The following RNF169 variants were observed in gnomAD, a reference collection of about 807,000 sequenced individuals.
RNF169 encodes the protein E3 ubiquitin-protein ligase RNF169.
A neutral mutation model predicts 53.9 loss-of-function variants in RNF169; 24 were observed. That is an observed-to-expected ratio of 0.45 (90% CI 0.32 to 0.63). RNF169 has a LOEUF of 0.63. Ranked by LOEUF, RNF169 falls within the 20% of genes least tolerant of loss-of-function variation. The pLI, the probability that RNF169 is intolerant of heterozygous loss-of-function variation, is 0.04. For missense variants in RNF169, 883 were observed against 906.2 expected, an observed-to-expected ratio of 0.97 and a Z score of 0.33; for synonymous variants, 396 against 363.5, an observed-to-expected ratio of 1.09 and a Z score of -1.02.
chr11:74,752,690 A>G (rs1399702980), intron 1 of RNF169, among the ~76,000 whole-genome samples: 1 of 151,790 alleles, frequency 6.6e-6, no homozygotes, highest in Non-Finnish European at 1.5e-5. Flanking sequence ...CCATTTTTAT[A>G]CAAAAGGTTG....
At chr11:74,810,353 G>T in intron 3 of RNF169, 23 bp downstream of exon 3, 1 of 1,610,642 alleles carries the variant, frequency 6.2e-7, no homozygotes, top group South Asian at 1.1e-5. Context: ...CCTTTTTAAT[G>T]GATACCTGCC....
intron 1 of RNF169, among the ~76,000 whole-genome samples, chr11:74,754,744 C>T (rs1591383814): frequency 2.0e-5 from 3 of 152,230 alleles, no homozygotes; most frequent in South Asian, 4.2e-4. Context: ...CGCTTCAACC[C>T]GGGAGGTAGA....
intron 1 of RNF169, among the ~76,000 whole-genome samples, chr11:74,761,611 C>G (rs1465841581): frequency 1.3e-5 from 2 of 152,258 alleles, no homozygotes; most frequent in African/African-American, 4.8e-5. Flanking sequence ...GTTGAAAATT[C>G]TTTCCTTTAA....
chr11:74,757,539 T>C (rs1454879685), intron 1 of RNF169, among the ~76,000 whole-genome samples: 1 of 132,822 alleles, frequency 7.5e-6, no homozygotes, highest in Non-Finnish European at 1.6e-5. Flanking sequence ...GGTCAAATGG[T>C]ATTTCTAGTT....
intron 1 of RNF169, among the ~76,000 whole-genome samples, chr11:74,758,587 C>T (rs1313875945): frequency 1.3e-4 from 19 of 151,742 alleles, no homozygotes; most frequent in East Asian, 3.9e-4. Context: ...CTGCAAGCTC[C>T]GCCTCCCGGT....
At chr11:74,769,711 C>T (rs1001730285) in intron 1 of RNF169, among the ~76,000 whole-genome samples, 2 of 152,130 alleles carry the variant, frequency 1.3e-5, no homozygotes, top group Non-Finnish European at 2.9e-5. Flanking sequence ...CCTTTGATGC[C>T]ATTTATATAA....
intron 1 of RNF169, among the ~76,000 whole-genome samples, chr11:74,756,885 G>A (rs2034992132): frequency 6.6e-6 from 1 of 152,130 alleles, no homozygotes; most frequent in South Asian, 2.1e-4. Context: ...TCACTCCCAT[G>A]GGAGTGTTGT....
rs575729151 is a variant in RNF169, at chr11:74,841,884, T to C, written c.*5154T>C. 5.9e-5 allele frequency: 9 copies of C among 152,416 alleles called. No individual in the cohort carries two copies. In the South Asian group the frequency reaches 6.2e-4, roughly 11 times the overall value. 9.4% of individuals were successfully genotyped at this position (152,416 alleles called of 1,614,324 possible). On this transcript the variant is annotated 3_prime_UTR_variant, in exon 6 of 6. Transcript: ENST00000299563. ...CAAAGCTGTGCCACCAATGAGAGCA[T>C]TGGGTTCAAGTTTGCATCAAACATG...
At chr11:74,820,757 A>G (rs1408483037) in intron 4 of RNF169, among the ~76,000 whole-genome samples, 1 of 152,234 alleles carries the variant, frequency 6.6e-6, no homozygotes, top group Non-Finnish European at 1.5e-5. Context: ...GAGCTTAAGG[A>G]GAATGGTGGT....
rs1427160550 is a variant in RNF169 at position 74,839,895 on chromosome 11, T to C, written c.*3165T>C. 3 of 152,208 alleles carry C rather than the reference T, an allele frequency of 2.0e-5. No individual in the cohort carries two copies. The highest frequency in any genetic ancestry group is 4.4e-5 in the Non-Finnish European group (3 of 68,024). 9.4% of individuals were successfully genotyped at this position (152,208 alleles called of 1,614,324 possible). ...TCTTTTTAAAAAAGGTTAAGTCTTCTTGGGTGAGGCTTGCCAGGGAAACTC... is the reference window on the plus strand; with the variant it reads ...TCTTTTTAAAAAAGGTTAAGTCTTCCTGGGTGAGGCTTGCCAGGGAAACTC... On this transcript the variant is annotated 3_prime_UTR_variant, in exon 6 of 6. Transcript: ENST00000299563.
At chr11:74,784,804 C>T (rs939472587) in intron 1 of RNF169, among the ~76,000 whole-genome samples, 4 of 152,102 alleles carry the variant, frequency 2.6e-5, no homozygotes, top group Admixed American at 2.0e-4. Flanking sequence ...AGGCACCAGC[C>T]AAGGGCAAGC....
intron 1 of RNF169, among the ~76,000 whole-genome samples, chr11:74,784,105 A>G (rs1200318279): frequency 1.3e-5 from 2 of 152,170 alleles, no homozygotes; most frequent in Non-Finnish European, 2.9e-5. Flanking sequence ...TGTTATACAT[A>G]CTCTTAATAT....
At chr11:74,756,385 A>G (rs1241452647) in intron 1 of RNF169, among the ~76,000 whole-genome samples, 1 of 152,236 alleles carries the variant, frequency 6.6e-6, no homozygotes, top group Non-Finnish European at 1.5e-5. Flanking sequence ...TTTGCTATTT[A>G]TAGCTGTATG....
At chr11:74,749,753 C>T (rs942853816) in intron 1 of RNF169, among the ~76,000 whole-genome samples, 6 of 152,082 alleles carry the variant, frequency 3.9e-5, no homozygotes, top group Middle Eastern at 3.4e-3. Context: ...GGTCATATTG[C>T]TTGGAGAGAT....
chr11:74,797,042 T>G (rs1728060265), intron 2 of RNF169, among the ~76,000 whole-genome samples: 1 of 152,140 alleles, frequency 6.6e-6, no homozygotes, highest in South Asian at 2.1e-4. Context: ...CAAGGGGTAT[T>G]TTCTCCCCAT....
chr11:74,795,098 G>A (rs898312852), intron 2 of RNF169, among the ~76,000 whole-genome samples: 1 of 151,906 alleles, frequency 6.6e-6, no homozygotes, highest in Admixed American at 6.6e-5. Context: ...GAGCCACCAC[G>A]CTTGGCCGGA....
At chr11:74,788,860 T>C (rs1591406383) in intron 1 of RNF169, among the ~76,000 whole-genome samples, 1 of 152,320 alleles carries the variant, frequency 6.6e-6, no homozygotes, top group East Asian at 1.9e-4. Context: ...AGGAAGACTT[T>C]ATTCAAGGAG....
chr11:74,830,498 T>C (rs535128299), intron 4 of RNF169: 2 of 151,876 alleles, frequency 1.3e-5, no homozygotes, highest in South Asian at 2.1e-4. Flanking sequence ...CCTGAGGAAG[T>C]TGAAAATCTG....
intron 1 of RNF169, among the ~76,000 whole-genome samples, chr11:74,769,594 A>G (rs993207597): frequency 6.6e-6 from 1 of 152,212 alleles, no homozygotes; most frequent in African/African-American, 2.4e-5. Flanking sequence ...AGGAGAAGGG[A>G]TAAATTAGTT....
Sources: allele counts gnomAD v4.1 joint callset (sites outside exome capture counted in the v4.1 genomes callset), GRCh38; gene constraint gnomAD v4.1.1; transcripts MANE v1.5; gene names NCBI Gene and HGNC (gene_info 2026-07-23, HGNC 2026-07-21).